The following ZNF652 variants were observed in gnomAD, a reference collection of about 807,000 sequenced individuals.
ZNF652 encodes the protein zinc finger protein 652.
Under a neutral mutation model 45.2 loss-of-function variants are expected in ZNF652, and 16 were observed. That is an observed-to-expected ratio of 0.35 (90% CI 0.24 to 0.54). ZNF652 has a LOEUF of 0.54. Among genes scored for constraint, ZNF652 ranks in the 20% least tolerant of loss-of-function variants. The pLI is 0.91. For synonymous variants in ZNF652, 250 were observed against 260.6 expected (o/e 0.96, Z 0.39); for missense variants, 614 against 765.6 (o/e 0.80, Z 2.34).
intron 1 of ZNF652, among the ~76,000 whole-genome samples, chr17:49,332,647 A>G (rs2070036915): frequency 1.3e-5 from 2 of 152,148 alleles, no homozygotes; most frequent in South Asian, 4.1e-4. Context: ...CTTGTGATAT[A>G]TATTTAACTT....
At position 49,317,694 on chromosome 17, in the gene ZNF652, A is replaced by G. The variant is rs1318195900; in HGVS notation, c.32T>C (p.Leu11Pro). Residue 11 changes from leucine (L) to proline (P), a missense_variant, in exon 2 of 6, where the codon CTG (leucine) becomes CCG (proline). Coordinates refer to ENST00000430262, the MANE Select transcript of ZNF652 (RefSeq NM_001145365.3). ...TACATGCACAGCACAGTTTTCAACC[A>G]GCTCCTGACAAGAACTGGCTGTGTG... MSHTASSCQELVENCAVHVAG... is the reference protein window; with the variant it reads MSHTASSCQEPVENCAVHVAG... The G allele has an allele frequency of 1.4e-5, 22 of 1,598,912 alleles. No individual in the cohort carries two copies. The South Asian group carries it at 2.3e-4, about 17-fold the overall frequency.
chr17:49,353,285 G>C (rs143768942), intron 1 of ZNF652, among the ~76,000 whole-genome samples: 132 of 152,146 alleles, frequency 8.7e-4, no homozygotes, highest in African/African-American at 2.9e-3. Context: ...AGGCTCAGGT[G>C]ATCCTCCCAT....
chr17:49,354,471 T>A (rs2070313559), intron 1 of ZNF652, among the ~76,000 whole-genome samples: 1 of 151,844 alleles, frequency 6.6e-6, no homozygotes, highest in South Asian at 2.1e-4. Context: ...AACTTATTTT[T>A]AAAAAGATTC....
Position 49,353,520 on chromosome 17 carries a change from G to A in ZNF652, c.-259+8389C>T, listed in dbSNP as rs541338305. Among the ~76,000 whole-genome samples the A allele has an allele frequency of 7.4e-4, 112 of 151,670 alleles. 1 individual carries two copies. The highest frequency in any genetic ancestry group is 2.1e-4 in the Non-Finnish European group (14 of 67,918). ...GAGACAGAGTCTCGCTCTGTCACCC[G>A]GGCTAGAGTGATGTGATTTCGGCTT... On this transcript the variant is annotated intron_variant, in intron 1 of 5. Transcript: ENST00000430262.
intron 1 of ZNF652, among the ~76,000 whole-genome samples, 198 bp from the exon 2 acceptor site, chr17:49,318,181 G>T (rs1036472169): frequency 2.6e-4 from 39 of 152,280 alleles, no homozygotes; most frequent in African/African-American, 9.1e-4. Flanking sequence ...GGGTTCAAGT[G>T]ATTCCCCTGC....
intron 1 of ZNF652, among the ~76,000 whole-genome samples, chr17:49,349,742 A>T (rs1237719911): frequency 1.3e-5 from 2 of 152,348 alleles, no homozygotes; most frequent in South Asian, 4.1e-4. Context: ...ACTATTGCAC[A>T]AGAACTATAC....
chr17:49,314,009 A>AAAAAAG (rs2069760698), intron 2 of ZNF652, among the ~76,000 whole-genome samples: 1 of 133,288 alleles, frequency 7.5e-6, no homozygotes, highest in Non-Finnish European at 1.6e-5. Context: ...AAAAAAAAAA[A>AAAAAAG]AAAAGAAAAG....
intron 1 of ZNF652, among the ~76,000 whole-genome samples, chr17:49,334,501 G>A (rs1020421868): frequency 6.6e-6 from 1 of 151,818 alleles, no homozygotes; most frequent in Non-Finnish European, 1.5e-5. Context: ...AGAAATGGCC[G>A]GGCATGGTGA....
chr17:49,312,564 A>G, intron 3 of ZNF652, 134 bp downstream of exon 3: 1 of 903,046 alleles, frequency 1.1e-6, no homozygotes, highest in Non-Finnish European at 1.7e-6. Flanking sequence ...TACTTACTGA[A>G]GACATAATGC....
chr17:49,323,282 A>G (rs2069918514), intron 1 of ZNF652, among the ~76,000 whole-genome samples: 2 of 152,230 alleles, frequency 1.3e-5, no homozygotes, highest in Admixed American at 1.3e-4. Context: ...ATTCCATCTC[A>G]AGAAGTAGAT....
At chr17:49,345,645 T>C (rs1598313318) in intron 1 of ZNF652, among the ~76,000 whole-genome samples, 1 of 151,150 alleles carries the variant, frequency 6.6e-6, no homozygotes, top group Non-Finnish European at 1.5e-5. Flanking sequence ...ATCGAGACCA[T>C]CCTGGCTAAC....
chr17:49,318,227 G>A (rs533009857), intron 1 of ZNF652, among the ~76,000 whole-genome samples: 2 of 152,024 alleles, frequency 1.3e-5, no homozygotes, highest in Non-Finnish European at 2.9e-5. Flanking sequence ...ACAGGCGCCC[G>A]CCACCACACC....
intron 1 of ZNF652, among the ~76,000 whole-genome samples, chr17:49,356,429 C>CAAAAAAA (rs35374808): frequency 4.7e-5 from 2 of 42,306 alleles, no homozygotes; most frequent in Non-Finnish European, 7.7e-5. Flanking sequence ...ACTCTGTCTG[C>CAAAAAAA]AAAAAAAAAA....
At chr17:49,332,176 G>A (rs1229933016) in intron 1 of ZNF652, among the ~76,000 whole-genome samples, 1 of 151,876 alleles carries the variant, frequency 6.6e-6, no homozygotes, top group Non-Finnish European at 1.5e-5. Flanking sequence ...GCTGAGGCAG[G>A]AGAGTTGCTT....
At chr17:49,318,139 G>A (rs749950572) in intron 1 of ZNF652, among the ~76,000 whole-genome samples, 156 bp from the exon 2 acceptor site, 2 of 152,108 alleles carry the variant, frequency 1.3e-5, no homozygotes, top group African/African-American at 2.4e-5. Flanking sequence ...AGTGCAGTAC[G>A]CAATCTTGGC....
chr17:49,332,652 T>G (rs2143853598), intron 1 of ZNF652, among the ~76,000 whole-genome samples: 1 of 152,270 alleles, frequency 6.6e-6, no homozygotes, highest in East Asian at 1.9e-4. Context: ...GATATATATT[T>G]AACTTTTTTT....
chr17:49,321,204 C>T (rs1291535022), intron 1 of ZNF652, among the ~76,000 whole-genome samples: 1 of 152,246 alleles, frequency 6.6e-6, no homozygotes, highest in East Asian at 1.9e-4. Context: ...GTGATGGTTG[C>T]TCTCAGCTTG....
chr17:49,312,215 G>A (rs547556088), intron 3 of ZNF652, among the ~76,000 whole-genome samples, 173 bp from the exon 4 acceptor site: 21 of 146,822 alleles, frequency 1.4e-4, no homozygotes, highest in African/African-American at 5.3e-4. Context: ...GCACAGGCCG[G>A]AGTGCAGTGG....
Position 49,295,937 on chromosome 17 carries a change from C to CAAAAAAAAAACAAAAAAAAAA in ZNF652, c.*2475_*2476insTTTTTTTTTTGTTTTTTTTTT, listed in dbSNP as rs2069468039. The CAAAAAAAAAACAAAAAAAAAA allele has an allele frequency of 1.2e-4, 6 of 51,256 alleles. No individual in the cohort carries two copies. The highest frequency in any genetic ancestry group is 4.4e-4 in the African/African-American group (6 of 13,628). 3.2% of individuals were successfully genotyped at this position (51,256 alleles called of 1,614,324 possible). The stretch of plus-strand genomic sequence containing the variant: ...CAGGCAACAGAACAAGACTCTGCCT[C>CAAAAAAAAAACAAAAAAAAAA]AAAAAAAAAAAAAAAAAAAAAAAAA... On this transcript the variant is annotated 3_prime_UTR_variant, in exon 6 of 6. Coordinates refer to ENST00000430262, the MANE Select transcript of ZNF652 (RefSeq NM_001145365.3).
Sources: allele counts gnomAD v4.1 joint callset (sites outside exome capture counted in the v4.1 genomes callset), GRCh38; gene constraint gnomAD v4.1.1; transcripts MANE v1.5; gene names NCBI Gene and HGNC (gene_info 2026-07-23, HGNC 2026-07-21).